Variants in LRIG1 observed in about 807,000 individuals in gnomAD.
The protein encoded by LRIG1 is leucine rich repeats and immunoglobulin like domains 1, also known as leucine-rich repeats and immunoglobulin-like domains protein 1.
LRIG1 carries 48 observed loss-of-function variants against 99.2 expected under a neutral mutation model. The observed-to-expected ratio is 0.48, with a 90% confidence interval of 0.38 to 0.62. The LOEUF (loss-of-function observed/expected upper bound fraction) is 0.62, where lower values mean the gene tolerates loss of function less well. Among genes scored for constraint, LRIG1 ranks in the 20% least tolerant of loss-of-function variants. The probability of loss-of-function intolerance (pLI) is 0.00; values close to 1 mark genes in which losing one functional copy is unlikely to be tolerated. For synonymous variants in LRIG1, 772 were observed against 596.1 expected, an observed-to-expected ratio of 1.29 and a Z score of -4.30; for missense variants, 1,646 against 1,434.4, an observed-to-expected ratio of 1.15 and a Z score of -2.38.
chr3:66,409,213 A>C (rs1414029595), intron 7 of LRIG1, among the ~76,000 whole-genome samples: 1 of 152,146 alleles, frequency 6.6e-6, no homozygotes, highest in Non-Finnish European at 1.5e-5. Flanking sequence ...CAAAACAAAA[A>C]AACCCACCCA....
intron 1 of LRIG1, among the ~76,000 whole-genome samples, chr3:66,479,387 T>C (rs1025361711): frequency 2.0e-5 from 3 of 152,212 alleles, no homozygotes; most frequent in Non-Finnish European, 2.9e-5. Flanking sequence ...CACTGCTCTT[T>C]CCTGCCACAT....
Position 66,483,846 on chromosome 3 carries a change from C to G in LRIG1, c.218+16344G>C, listed in dbSNP as rs1700906996. Among the ~76,000 whole-genome samples, 4 of 152,236 alleles carry G rather than the reference C, an allele frequency of 2.6e-5. No homozygotes were observed. In the South Asian group the frequency reaches 8.3e-4, roughly 32 times the overall value. ...GCAACACAGAGGAGAGCGCCTGAGC[C>G]TGGCCCACCTGCCAAGGACAGCCAC... is the stretch of plus-strand genomic sequence containing the variant. On this transcript the variant is annotated intron_variant, in intron 1 of 18. Transcript: ENST00000273261.
intron 7 of LRIG1, among the ~76,000 whole-genome samples, chr3:66,408,125 T>C (rs1357831730): frequency 6.6e-6 from 1 of 152,176 alleles, no homozygotes; most frequent in Admixed American, 6.5e-5. Context: ...GAATCAAAGC[T>C]TCCTCCCAGC....
intron 11 of LRIG1, among the ~76,000 whole-genome samples, chr3:66,396,618 C>G (rs1450395766): frequency 6.6e-6 from 1 of 152,216 alleles, no homozygotes; most frequent in Non-Finnish European, 1.5e-5. Flanking sequence ...CCTCCAGAAC[C>G]ATGCAGAAGC....
intron 3 of LRIG1, among the ~76,000 whole-genome samples, chr3:66,442,449 G>T (rs1703571454): frequency 6.9e-6 from 1 of 145,556 alleles, no homozygotes; most frequent in African/African-American, 2.6e-5. Flanking sequence ...GTGAGGAGGG[G>T]GAGGAGGAGG....
chr3:66,380,416 AGT>A lies in LRIG1; in HGVS notation c.3127_3128del (p.Thr1043PhefsTer24), dbSNP rs1257546995. ...STELQPASSL[T>X]SGSPERAEAQ... ...CTTCCGCGCGCTCTGGACTGCCTGA[AGT>A]TAATGAAGATGCAGGCTGTAGCTCT... On this transcript the variant is annotated frameshift_variant, in exon 19 of 19. Transcript: ENST00000273261. LOFTEE classifies it low-confidence loss of function (END_TRUNC). 6.2e-7 allele frequency: 1 copy of A among 1,614,208 alleles called. No homozygotes were observed.
intron 12 of LRIG1, among the ~76,000 whole-genome samples, chr3:66,392,516 A>T (rs1464177396): frequency 6.6e-6 from 1 of 151,940 alleles, no homozygotes; most frequent in African/African-American, 2.4e-5. Context: ...GTTTTTAAAA[A>T]AGGAGTGGGA....
chr3:66,409,938 G>A, intron 7 of LRIG1, 191 bp downstream of exon 7: 1 of 531,314 alleles, frequency 1.9e-6, no homozygotes, highest in Non-Finnish European at 3.3e-6. Flanking sequence ...GTGAAGGGGA[G>A]ATGAGGAAGG....
chr3:66,428,778 A>C (rs946988557), intron 3 of LRIG1, among the ~76,000 whole-genome samples: 1 of 152,244 alleles, frequency 6.6e-6, no homozygotes, highest in Non-Finnish European at 1.5e-5. Context: ...CATTTACTCA[A>C]AGAACTGCTG....
chr3:66,401,213 CAAAT>C (rs1349957261), intron 9 of LRIG1, among the ~76,000 whole-genome samples: 1 of 152,178 alleles, frequency 6.6e-6, no homozygotes, highest in African/African-American at 2.4e-5. Flanking sequence ...TATTTTAAAA[CAAAT>C]AAACCAAACA....
chr3:66,465,788 G>A (rs552800337), intron 1 of LRIG1, among the ~76,000 whole-genome samples: 3 of 152,108 alleles, frequency 2.0e-5, no homozygotes, highest in South Asian at 2.1e-4. Context: ...CATCACCACC[G>A]TCCATCTCCA....
At position 66,386,199 on chromosome 3, in the gene LRIG1, G is replaced by T. The variant is rs375777654; in HGVS notation, c.1571C>A (p.Ser524Tyr). The T allele has an allele frequency of 1.6e-4, 263 of 1,614,148 alleles. No individual in the cohort carries two copies. Among genetic ancestry groups the T allele is most frequent in the Admixed American group, 6.3e-4 (38 of 60,022 alleles). ...FTCSAASSSSSPMTFAWKKDN... is the reference protein window; with the variant it reads ...FTCSAASSSSYPMTFAWKKDN... ...TTTCTTCCAGGCAAAGGTCATGGGGGAGCTGCTGCTGCTGGCTGCTGAGCA... is the reference window on the plus strand; with the variant it reads ...TTTCTTCCAGGCAAAGGTCATGGGGTAGCTGCTGCTGCTGGCTGCTGAGCA... The change falls in exon 13 of 19, where the codon TCC (serine) becomes TAC (tyrosine). Residue 524 changes from serine (S) to tyrosine (Y), a missense_variant. By Grantham distance (144) the Ser-to-Tyr change is moderately radical. Transcript: ENST00000273261.
At chr3:66,425,874 G>T (rs73833490) in intron 3 of LRIG1, among the ~76,000 whole-genome samples, 2,479 of 152,302 alleles carry the variant, frequency 0.016, 75 homozygotes, top group African/African-American at 0.056. Flanking sequence ...GCGGAAAGCA[G>T]GCAAGATAAG....
At chr3:66,476,868 G>T (rs1036131985) in intron 1 of LRIG1, among the ~76,000 whole-genome samples, 15 of 152,284 alleles carry the variant, frequency 9.9e-5, no homozygotes, top group South Asian at 6.2e-4. Flanking sequence ...GCCCGGTAGG[G>T]ATCATCCTAC....
In LRIG1 at chr3:66,500,673, G is replaced by A. The variant is rs1401612355; in HGVS notation, c.-266C>T. 3 of 272,816 alleles carry A rather than the reference G, an allele frequency of 1.1e-5. No individual in the cohort carries two copies. The highest frequency in any genetic ancestry group is 1.1e-3 in the Middle Eastern group (1 of 908). 16.9% of individuals were successfully genotyped at this position (272,816 alleles called of 1,614,324 possible). ...GCCCGCGCTAGCTGCGAACTCCGCC[G>A]ATTCGGGCAAGGTGTACCCAGCCTG... is the stretch of plus-strand genomic sequence containing the variant. On this transcript the variant is annotated 5_prime_UTR_variant, in exon 1 of 19. Transcript: ENST00000273261.
At chr3:66,475,074 T>G (rs1457090518) in intron 1 of LRIG1, among the ~76,000 whole-genome samples, 1 of 152,182 alleles carries the variant, frequency 6.6e-6, no homozygotes, top group Non-Finnish European at 1.5e-5. Flanking sequence ...CATACCAAAT[T>G]GAGACATCCA....
intron 3 of LRIG1, among the ~76,000 whole-genome samples, chr3:66,423,123 T>C (rs905231616): frequency 6.6e-6 from 1 of 152,144 alleles, no homozygotes; most frequent in African/African-American, 2.4e-5. Flanking sequence ...AGCCAAACCA[T>C]ATCAAATAGG....
At position 66,451,706 on chromosome 3, in the gene LRIG1, TAAAC is replaced by T. The variant is rs1214089470; in HGVS notation, c.291-77_291-74del. ...TGAAATCATACACATACAACAGAAA[TAAAC>T]AAACGCTGCTAAGTCTGCCACAGTA... On this transcript the variant is annotated intron_variant, in intron 2 of 18. Transcript: ENST00000273261. 2.1e-5 allele frequency: 23 copies of T among 1,106,950 alleles called. No homozygotes were observed. In the East Asian group the frequency reaches 3.4e-4, roughly 16 times the overall value. The allele number at this position is 1,106,950 out of a possible 1,614,324, so 68.6% of individuals were successfully genotyped here.
intron 12 of LRIG1, among the ~76,000 whole-genome samples, chr3:66,390,775 G>C (rs1375533861): frequency 6.6e-6 from 1 of 152,122 alleles, no homozygotes; most frequent in Non-Finnish European, 1.5e-5. Flanking sequence ...TCTTTGATAT[G>C]ACATCAAAAG....
Sources: gnomAD v4.1 joint callset for allele counts (sites outside exome capture counted in the v4.1 genomes callset) on GRCh38, gnomAD v4.1.1 for gene constraint, MANE v1.5 for transcripts, NCBI Gene and HGNC (gene_info 2026-07-23, HGNC 2026-07-21) for gene names.